TSNARE1: variants seen among roughly 807,000 people sequenced by gnomAD.
TSNARE1 encodes t-SNARE domain containing 1.
Under a neutral mutation model 62.0 loss-of-function variants are expected in TSNARE1, and 49 were observed. The ratio of observed to expected loss-of-function variants is 0.79; its 90% CI spans 0.63 to 1.00. TSNARE1 has a LOEUF of 1.00. Ranked by LOEUF, TSNARE1 falls within the 50% of genes least tolerant of loss-of-function variation. The pLI is 0.00. For synonymous variants in TSNARE1, 328 were observed against 294.4 expected (o/e 1.11, Z -1.17); for missense variants, 755 against 700.1 (o/e 1.08, Z -0.88).
intron 13 of TSNARE1, among the ~76,000 whole-genome samples, chr8:142,220,940 C>T (rs1816181805): frequency 6.6e-6 from 1 of 152,236 alleles, no homozygotes; most frequent in Non-Finnish European, 1.5e-5. Flanking sequence ...AGTACTCACT[C>T]CCTGCTGGCA....
At chr8:142,325,855 C>T (rs1011112918) in intron 6 of TSNARE1, among the ~76,000 whole-genome samples, 8 of 152,136 alleles carry the variant, frequency 5.3e-5, no homozygotes, top group African/African-American at 1.9e-4. Flanking sequence ...GAGGAACCAG[C>T]ACCAGTGAAG....
intron 12 of TSNARE1, among the ~76,000 whole-genome samples, chr8:142,244,155 T>C (rs1271836455): frequency 2.0e-5 from 3 of 152,212 alleles, no homozygotes; most frequent in Non-Finnish European, 4.4e-5. Flanking sequence ...CACTGCACTC[T>C]AGCCTGGGCG....
chr8:142,314,536 G>A (rs371600104), intron 8 of TSNARE1, 96 bp from the exon 9 acceptor site: 32 of 1,094,652 alleles, frequency 2.9e-5, no homozygotes, highest in Admixed American at 1.0e-4. Context: ...TCTGGACGAC[G>A]GTGCAGCAAA....
At chr8:142,318,924 C>A (rs550643390) in intron 6 of TSNARE1, among the ~76,000 whole-genome samples, 38 of 151,298 alleles carry the variant, frequency 2.5e-4, no homozygotes, top group African/African-American at 8.3e-4. Flanking sequence ...GAGGAGGGGG[C>A]CCAAGAGCCA....
intron 1 of TSNARE1, among the ~76,000 whole-genome samples, chr8:142,381,738 C>G (rs1045468627): frequency 6.6e-6 from 1 of 152,190 alleles, no homozygotes; most frequent in Non-Finnish European, 1.5e-5. Context: ...AGGCTGTAAG[C>G]AAGTCCCCAA....
chr8:142,282,879 T>C (rs1314537411), intron 11 of TSNARE1, among the ~76,000 whole-genome samples: 1 of 140,842 alleles, frequency 7.1e-6, no homozygotes, highest in Admixed American at 7.0e-5. Context: ...GGGAGGCCAC[T>C]GTCTGTCAAT....
intron 11 of TSNARE1, chr8:142,277,635 G>T (rs1201755004): frequency 1.0e-6 from 1 of 985,296 alleles, no homozygotes; most frequent in Non-Finnish European, 1.2e-6. Context: ...TCTCGCTTGG[G>T]AATTCAACAC....
chr8:142,314,129 G>C (rs1429899307), intron 9 of TSNARE1, among the ~76,000 whole-genome samples: 1 of 152,206 alleles, frequency 6.6e-6, no homozygotes, highest in Non-Finnish European at 1.5e-5. Context: ...CTCAGCAGGA[G>C]AGCTGGTCTG....
At chr8:142,366,010 C>T in intron 1 of TSNARE1, 1 of 395,372 alleles carries the variant, frequency 2.5e-6, no homozygotes, top group South Asian at 1.8e-5. Flanking sequence ...AAAAATTGTC[C>T]CAGGACACTG....
At chr8:142,255,112 C>A (rs916535485) in intron 12 of TSNARE1, among the ~76,000 whole-genome samples, 3 of 152,122 alleles carry the variant, frequency 2.0e-5, no homozygotes, top group South Asian at 4.1e-4. Context: ...AGGCCCCCAG[C>A]GGCTGAAGGG....
intron 1 of TSNARE1, among the ~76,000 whole-genome samples, chr8:142,401,456 G>A (rs1838286472): frequency 6.6e-6 from 1 of 152,194 alleles, no homozygotes; most frequent in African/African-American, 2.4e-5. Context: ...AGGGACTGAA[G>A]ATGTGGCAGG....
chr8:142,379,368 G>A (rs905510479), intron 1 of TSNARE1, among the ~76,000 whole-genome samples: 9 of 152,172 alleles, frequency 5.9e-5, no homozygotes, highest in East Asian at 1.9e-4. Flanking sequence ...CTCGTGCTGC[G>A]CTCATGTCTG....
rs531245693 is a variant in TSNARE1 at position 142,321,525 on chromosome 8, T to C, written c.894-2891A>G. On this transcript the variant is annotated intron_variant, in intron 6 of 13. Transcript: ENST00000524325. ...GCAAACAGACCAATAATAGAAACAATAAAATAAAAAAGCATTCAAAACATT... is the reference window on the plus strand; with the variant it reads ...GCAAACAGACCAATAATAGAAACAACAAAATAAAAAAGCATTCAAAACATT... 2.0e-5 allele frequency among the ~76,000 whole-genome samples: 3 copies of C among 151,370 alleles called. No individual in the cohort carries two copies. In the South Asian group the frequency reaches 6.3e-4, roughly 32 times the overall value.
chr8:142,363,729 A>C (rs2130912109), intron 1 of TSNARE1, among the ~76,000 whole-genome samples: 1 of 152,136 alleles, frequency 6.6e-6, no homozygotes, highest in South Asian at 2.1e-4. Flanking sequence ...CCCACTGCCC[A>C]CAGAACCCAC....
chr8:142,304,312 C>T (rs1826295554), intron 9 of TSNARE1, among the ~76,000 whole-genome samples: 1 of 152,226 alleles, frequency 6.6e-6, no homozygotes, highest in African/African-American at 2.4e-5. Flanking sequence ...CCCTAGGCTT[C>T]CGGGGCTCTT....
At chr8:142,355,158 G>A (rs1834625665) in intron 1 of TSNARE1, among the ~76,000 whole-genome samples, 1 of 152,214 alleles carries the variant, frequency 6.6e-6, no homozygotes, top group South Asian at 2.1e-4. Context: ...CTGCATGTGA[G>A]TCAGGCCCAG....
chr8:142,274,724 G>A (rs1292028380), intron 12 of TSNARE1, 57 bp downstream of exon 12: 5 of 1,433,582 alleles, frequency 3.5e-6, no homozygotes, highest in Non-Finnish European at 4.6e-6. Flanking sequence ...GGGAGGGTTG[G>A]AGGATAGGGG....
intron 1 of TSNARE1, among the ~76,000 whole-genome samples, chr8:142,360,368 G>A (rs1338172590): frequency 6.6e-6 from 1 of 152,170 alleles, no homozygotes; most frequent in Non-Finnish European, 1.5e-5. Flanking sequence ...CTGAGGGCCT[G>A]GGCCAGGGCC....
chr8:142,381,348 G>A (rs1331558694), intron 1 of TSNARE1, among the ~76,000 whole-genome samples: 3 of 152,232 alleles, frequency 2.0e-5, no homozygotes, highest in Non-Finnish European at 2.9e-5. Flanking sequence ...AAACCCCACG[G>A]CCGGGCAGCA....
Sources: allele counts gnomAD v4.1 joint callset (sites outside exome capture counted in the v4.1 genomes callset), GRCh38; gene constraint gnomAD v4.1.1; transcripts MANE v1.5; gene names NCBI Gene and HGNC (gene_info 2026-07-23, HGNC 2026-07-21).